KHDRBS2: variants seen among roughly 807,000 people sequenced by gnomAD.
KHDRBS2 encodes KH RNA binding domain containing, signal transduction associated 2.
A neutral mutation model predicts 44.3 loss-of-function variants in KHDRBS2; 26 were observed. The observed-to-expected ratio is 0.59, with a 90% CI of 0.43 to 0.81. The LOEUF (loss-of-function observed/expected upper bound fraction) is 0.81. Among genes scored for constraint, KHDRBS2 ranks in the 40% least tolerant of loss-of-function variants. KHDRBS2 has a pLI of 0.00. For synonymous variants in KHDRBS2, 194 were observed against 151.1 expected, an observed-to-expected ratio of 1.28 and a Z score of -2.08; for missense variants, 476 against 433.1, an observed-to-expected ratio of 1.10 and a Z score of -0.88.
At chr6:61,941,874 C>A (rs1812201173) in intron 4 of KHDRBS2, among the ~76,000 whole-genome samples, 1 of 152,106 alleles carries the variant, frequency 6.6e-6, no homozygotes, top group Non-Finnish European at 1.5e-5. Context: ...GAACATGGCA[C>A]CTCCAACGAA....
chr6:62,263,655 T>C (rs1369002772), intron 1 of KHDRBS2, among the ~76,000 whole-genome samples: 1 of 151,744 alleles, frequency 6.6e-6, no homozygotes, highest in Non-Finnish European at 1.5e-5. Context: ...GTACATAATA[T>C]AGTGAATGCT....
chr6:61,943,447 C>A (rs572604917), intron 4 of KHDRBS2, among the ~76,000 whole-genome samples: 3 of 151,754 alleles, frequency 2.0e-5, no homozygotes, highest in Non-Finnish European at 4.4e-5. Context: ...CAGAAAACAA[C>A]GAGCAATATG....
the KHDRBS2 span, among the ~76,000 whole-genome samples, chr6:61,555,738 G>A: frequency 6.6e-6 from 1 of 152,172 alleles, no homozygotes; most frequent in Non-Finnish European, 1.5e-5. Context: ...TGTCGCATAA[G>A]GTGGGTTCAG....
At chr6:62,221,529 A>G (rs501489) in intron 1 of KHDRBS2, among the ~76,000 whole-genome samples, 28,251 of 152,076 alleles carry the variant, frequency 0.19, 3,044 homozygotes, top group African/African-American at 0.31. Context: ...TCTATTAACC[A>G]TTTTGTTATC....
intron 2 of KHDRBS2, among the ~76,000 whole-genome samples, chr6:62,079,659 C>T (rs1269667382): frequency 6.6e-6 from 1 of 151,866 alleles, no homozygotes; most frequent in African/African-American, 2.4e-5. Flanking sequence ...TTACTTAATC[C>T]CATGAAACTT....
At chr6:61,580,778 G>A in the KHDRBS2 span, among the ~76,000 whole-genome samples, 1 of 151,978 alleles carries the variant, frequency 6.6e-6, no homozygotes. Context: ...GGACCGACCG[G>A]TCCGGACACA....
At chr6:61,854,828 A>G (rs1481948602) in intron 6 of KHDRBS2, among the ~76,000 whole-genome samples, 1 of 152,204 alleles carries the variant, frequency 6.6e-6, no homozygotes, top group Non-Finnish European at 1.5e-5. Flanking sequence ...GACCATAATT[A>G]TCTTAGAGAA....
intron 6 of KHDRBS2, among the ~76,000 whole-genome samples, chr6:61,891,242 T>C (rs1420221120): frequency 2.0e-5 from 3 of 152,200 alleles, no homozygotes; most frequent in Non-Finnish European, 4.4e-5. Context: ...ATCATTTTCA[T>C]AGTACAATGA....
chr6:62,284,938 T>C (rs1230777279), intron 1 of KHDRBS2, among the ~76,000 whole-genome samples: 7 of 152,150 alleles, frequency 4.6e-5, no homozygotes, highest in Non-Finnish European at 1.0e-4. Context: ...CAAAACTGCA[T>C]TGTAACCAAT....
At chr6:61,751,374 G>A (rs1429100370) in intron 6 of KHDRBS2, among the ~76,000 whole-genome samples, 3 of 152,182 alleles carry the variant, frequency 2.0e-5, no homozygotes, top group Non-Finnish European at 4.4e-5. Flanking sequence ...GGGTTCATCC[G>A]TGGCAGAAAC....
rs560739847 is a variant in KHDRBS2, at chr6:61,702,951, C to A, written c.894-5698G>T. Among the ~76,000 whole-genome samples, 73 of 151,780 alleles carry A rather than the reference C, an allele frequency of 4.8e-4. 1 individual carries two copies. The highest frequency in any genetic ancestry group is 2.3e-3 in the South Asian group (11 of 4,812). ...TATATATCTTGATTTTAAGTATGTG[C>A]CACTTCCTAGAAAAATTATACCTGC... On this transcript the variant is annotated intron_variant, in intron 7 of 8. Transcript: ENST00000281156.
intron 1 of KHDRBS2, among the ~76,000 whole-genome samples, chr6:62,254,412 G>A (rs1837039424): frequency 6.6e-6 from 1 of 152,036 alleles, no homozygotes; most frequent in South Asian, 2.1e-4. Context: ...AGTGACAAAT[G>A]TTTTCAATAA....
chr6:61,604,960 G>A, the KHDRBS2 span, among the ~76,000 whole-genome samples: 1 of 152,052 alleles, frequency 6.6e-6, no homozygotes, highest in Non-Finnish European at 1.5e-5. Flanking sequence ...AGTTTCTCAG[G>A]CTCTTGGCAT....
At chr6:62,004,272 G>A (rs945184312) in intron 3 of KHDRBS2, among the ~76,000 whole-genome samples, 3 of 151,860 alleles carry the variant, frequency 2.0e-5, no homozygotes, top group Non-Finnish European at 4.4e-5. Context: ...TAGTAAAGAA[G>A]AAAAGAGAGA....
chr6:61,568,537 T>A, the KHDRBS2 span, among the ~76,000 whole-genome samples: 1 of 152,094 alleles, frequency 6.6e-6, no homozygotes, highest in South Asian at 2.1e-4. Flanking sequence ...AAATCACAGA[T>A]CCTTTGAATG....
At chr6:61,716,866 G>C (rs1308116975) in intron 7 of KHDRBS2, among the ~76,000 whole-genome samples, 1 of 152,014 alleles carries the variant, frequency 6.6e-6, no homozygotes, top group Non-Finnish European at 1.5e-5. Flanking sequence ...CAGAATTTAG[G>C]ATGATCTAAT....
At chr6:62,283,051 C>T (rs1842013439) in intron 1 of KHDRBS2, among the ~76,000 whole-genome samples, 1 of 152,206 alleles carries the variant, frequency 6.6e-6, no homozygotes, top group Admixed American at 6.5e-5. Flanking sequence ...CTGAGTAGAA[C>T]TTTAAGGATA....
chr6:61,992,262 G>C (rs1776276280), intron 3 of KHDRBS2, among the ~76,000 whole-genome samples: 1 of 152,034 alleles, frequency 6.6e-6, no homozygotes, highest in Non-Finnish European at 1.5e-5. Context: ...TTTGACACTG[G>C]TTTAGCTTAC....
chr6:62,190,258 T>C (rs1277139859), intron 1 of KHDRBS2, among the ~76,000 whole-genome samples: 2 of 152,136 alleles, frequency 1.3e-5, no homozygotes, highest in African/African-American at 2.4e-5. Flanking sequence ...ACTACTGGCA[T>C]TGGCAAGGTG....
Sources: gnomAD v4.1 joint callset for allele counts (sites outside exome capture counted in the v4.1 genomes callset) on GRCh38, gnomAD v4.1.1 for gene constraint, MANE v1.5 for transcripts, NCBI Gene and HGNC (gene_info 2026-07-23, HGNC 2026-07-21) for gene names.